MMP13: variants seen among roughly 807,000 people sequenced by gnomAD.
MMP13 encodes the protein collagenase 3.
In MMP13, 45 loss-of-function variants were observed where a neutral mutation model predicts 52.1. That is an observed-to-expected ratio of 0.86 (90% CI 0.68 to 1.11). The LOEUF is 1.11. Among genes scored for constraint, MMP13 ranks in the 50% least tolerant of loss-of-function variants. MMP13 has a pLI of 0.00. For missense variants in MMP13, 576 were observed against 583.8 expected (o/e 0.99, Z 0.14); for synonymous variants, 200 against 204.4 (o/e 0.98, Z 0.18).
rs549103229 is a variant in MMP13 at position 102,952,944 on chromosome 11, C to T, written c.638-771G>A. On this transcript the variant is annotated intron_variant, in intron 4 of 9. Coordinates refer to ENST00000260302, the MANE Select transcript of MMP13 (RefSeq NM_002427.4). This position sits in a 1 kb window ranked among gnomAD's most constrained non-coding sequence, Gnocchi z 4.3. ...ATTGTTGTTACCTGTGCTTAGATTA[C>T]CTGAAAACTAGAGCCAGTGGATTCC... 6.6e-6 allele frequency among the ~76,000 whole-genome samples: 1 copy of T among 152,066 alleles called. No homozygotes were observed. Among genetic ancestry groups the T allele is most frequent in the Non-Finnish European group, 1.5e-5 (1 of 67,996 alleles).
At position 102,944,057 on chromosome 11, in the gene MMP13, G is replaced by C. The variant is rs1234396173; in HGVS notation, c.*209C>G. 2 of 529,510 alleles carry C rather than the reference G, an allele frequency of 3.8e-6. No homozygotes were observed. Among genetic ancestry groups the C allele is most frequent in the Non-Finnish European group, 7.1e-6 (2 of 279,824 alleles). 32.8% of individuals were successfully genotyped at this position (529,510 alleles called of 1,614,324 possible). A position where few individuals can be genotyped will look rare whatever the true frequency, so the allele number is the denominator to read the frequency against. ...AGCAACAAGAATCAGATGCTCTTTA[G>C]AGATCCTCCATTTCATTACTCTAAC... On this transcript the variant is annotated 3_prime_UTR_variant, in exon 10 of 10. Transcript: ENST00000260302.
rs1236321342 is a variant in MMP13, at chr11:102,943,136, T to C, written c.*1130A>G. 6.6e-6 allele frequency: 1 copy of C among 152,182 alleles called. No homozygotes were observed. The highest frequency in any genetic ancestry group is 1.5e-5 in the Non-Finnish European group (1 of 68,036). The allele number at this position is 152,182 out of a possible 1,614,324, so 9.4% of individuals were successfully genotyped here. A position where few individuals can be genotyped will look rare whatever the true frequency, so the allele number is the denominator to read the frequency against. On this transcript the variant is annotated 3_prime_UTR_variant, in exon 10 of 10. Transcript: ENST00000260302. ...GTTCTTCCCTTGATGGCCGATCATA[T>C]ATTCAATAAGTGCCAAGCACCCTCC...
At chr11:102,951,659 A>AT (rs1860614034) in intron 5 of MMP13, among the ~76,000 whole-genome samples, 2 of 152,040 alleles carry the variant, frequency 1.3e-5, no homozygotes, top group African/African-American at 4.8e-5. Context: ...TTGTTAGGAG[A>AT]TTTTGTCATT....
intron 8 of MMP13, among the ~76,000 whole-genome samples, chr11:102,946,591 C>T (rs953142918): frequency 1.6e-4 from 24 of 151,964 alleles, no homozygotes; most frequent in South Asian, 8.3e-4. Flanking sequence ...AAAGATATTT[C>T]GAATGAACTT....
At chr11:102,947,755 A>G in intron 8 of MMP13, 136 bp downstream of exon 8, 1 of 962,474 alleles carries the variant, frequency 1.0e-6, no homozygotes, top group Non-Finnish European at 1.6e-6. Context: ...TCTGCCTGAA[A>G]GAGCTGACAT....
chr11:102,952,380 G>T lies in MMP13; in HGVS notation c.638-207C>A, dbSNP rs1860627427. 6.6e-6 allele frequency among the ~76,000 whole-genome samples: 1 copy of T among 152,056 alleles called. No homozygotes were observed. Among genetic ancestry groups the T allele is most frequent in the Non-Finnish European group, 1.5e-5 (1 of 68,000 alleles). ...ATTTAATCCTTATAAATAATTTAGT[G>T]TTCTTTTGATTATAGCTGCCTACAC... On this transcript the variant is annotated intron_variant, in intron 4 of 9. Coordinates refer to ENST00000260302, the MANE Select transcript of MMP13 (RefSeq NM_002427.4). The surrounding 1 kb of genome is among the most constrained non-coding windows in gnomAD (Gnocchi z 4.3).
intron 5 of MMP13, 45 bp downstream of exon 5, chr11:102,951,967 T>C: frequency 1.3e-6 from 2 of 1,592,380 alleles, no homozygotes; most frequent in South Asian, 2.2e-5. Context: ...ATGGGTTTCT[T>C]CTGCTTTTAT....
chr11:102,952,266 T>C lies in MMP13; in HGVS notation c.638-93A>G, dbSNP rs1474855654. On this transcript the variant is annotated intron_variant, in intron 4 of 9. Transcript: ENST00000260302. This position sits in a 1 kb window ranked among gnomAD's most constrained non-coding sequence, Gnocchi z 4.3. ...ATTTTATCTATCTGGTATGTTTCTT[T>C]CTTGGCTATATACTTTCTTTTCTCT... The C allele has an allele frequency of 7.1e-7, 1 of 1,412,426 alleles. No homozygotes were observed. Among genetic ancestry groups the C allele is most frequent in the Non-Finnish European group, 9.9e-7 (1 of 1,006,202 alleles). 87.5% of individuals were successfully genotyped at this position (1,412,426 alleles called of 1,614,324 possible). A position where few individuals can be genotyped will look rare whatever the true frequency, so the allele number is the denominator to read the frequency against.
rs371894268 is a variant in MMP13, at chr11:102,954,521, G to C, written c.448C>G (p.Pro150Ala). 2.5e-5 allele frequency: 40 copies of C among 1,613,638 alleles called. No individual in the cohort carries two copies. The highest frequency in any genetic ancestry group is 1.7e-4 in the Middle Eastern group (1 of 6,058). The stretch of plus-strand genomic sequence containing the variant: ...TCGTGAAGTCTGGTAAAATTCAGAG[G>C]AGTTACATCGGACCAAACTTTGAAG... ...KAFKVWSDVT[P>A]LNFTRLHDGI... Residue 150 changes from proline to alanine, a missense_variant, in exon 3 of 10, where the codon CCT becomes GCT. By Grantham distance (27) the Pro-to-Ala change is conservative. Transcript: ENST00000260302.
rs1555017142 is a variant in MMP13, at chr11:102,950,124, C to G, written c.903G>C (p.Met301Ile). 10 of 1,609,504 alleles carry G rather than the reference C, an allele frequency of 6.2e-6. No homozygotes were observed. The South Asian group carries it at 1.1e-4, about 18-fold the overall frequency. Residue 301 changes from methionine to isoleucine, a missense_variant, in exon 6 of 10, where the codon ATG becomes ATC. Met to Ile is a conservative substitution (Grantham distance 10). Coordinates refer to ENST00000260302, the MANE Select transcript of MMP13 (RefSeq NM_002427.4). The part of the protein sequence containing the change: ...DAITSLRGET[M>I]IFKDRFFWRL... ...CTCAAGAGTACCTGTCTTTAAAGAT[C>G]ATTGTTTCTCCTCGGAGACTGGTAA...
rs1860629556 is a variant in MMP13, at chr11:102,952,520, G to A, written c.638-347C>T. 6.6e-6 allele frequency among the ~76,000 whole-genome samples: 1 copy of A among 152,120 alleles called. No individual in the cohort carries two copies. The highest frequency in any genetic ancestry group is 1.5e-5 in the Non-Finnish European group (1 of 68,016). ...ATTCTCAGGTCAGGTGAGGGAAGTG[G>A]ACAGAGATTACCTTAAACGAGGAGT... On this transcript the variant is annotated intron_variant, in intron 4 of 9. Coordinates refer to ENST00000260302, the MANE Select transcript of MMP13 (RefSeq NM_002427.4). This position sits in a 1 kb window ranked among gnomAD's most constrained non-coding sequence, Gnocchi z 4.3.
chr11:102,951,379 A>G (rs1220299568), intron 5 of MMP13, among the ~76,000 whole-genome samples: 2 of 152,202 alleles, frequency 1.3e-5, no homozygotes, highest in Non-Finnish European at 2.9e-5. Context: ...AATGGGGAAC[A>G]AAATATTTTT....
intron 8 of MMP13, among the ~76,000 whole-genome samples, chr11:102,947,670 T>TGTGTGC (rs1555016802): frequency 1.0e-5 from 1 of 99,902 alleles, no homozygotes. Context: ...TTGAGTATTG[T>TGTGTGC]GTGTGTGTGT....
chr11:102,947,856 T>G (rs782369034), intron 8 of MMP13, 35 bp downstream of exon 8: 1 of 1,613,270 alleles, frequency 6.2e-7, no homozygotes, highest in South Asian at 1.1e-5. Flanking sequence ...TTTGCGGCTA[T>G]GACACAGATG....
chr11:102,952,237 T>A lies in MMP13; in HGVS notation c.638-64A>T. 3.8e-3 allele frequency: 4,136 copies of A among 1,074,384 alleles called. No individual in the cohort carries two copies. The highest frequency in any genetic ancestry group is 5.4e-3 in the Non-Finnish European group (3,823 of 706,802). The allele number at this position is 1,074,384 out of a possible 1,614,324, so 66.6% of individuals were successfully genotyped here. ...TCCAGTGACCAGGTAATGAAAGGAATATCATTTTATCTATCTGGTATGTTT... is the reference window on the plus strand; with the variant it reads ...TCCAGTGACCAGGTAATGAAAGGAAAATCATTTTATCTATCTGGTATGTTT... On this transcript the variant is annotated intron_variant, in intron 4 of 9. Transcript: ENST00000260302. The surrounding 1 kb of genome is among the most constrained non-coding windows in gnomAD (Gnocchi z 4.3).
At chr11:102,944,474 A>G (rs1860464269) in intron 9 of MMP13, 108 bp from the exon 10 acceptor site, 5 of 800,842 alleles carry the variant, frequency 6.2e-6, no homozygotes, top group Non-Finnish European at 1.0e-5. Flanking sequence ...GGAATTTCAA[A>G]CTTTTTCTTT....
In MMP13 at chr11:102,954,532, G is replaced by C. The variant is rs769000690; in HGVS notation, c.437C>G (p.Ser146Cys). The change falls in exon 3 of 10, where the codon TCC becomes TGC. Residue 146 changes from serine to cysteine, a missense_variant. Ser to Cys is a moderately radical substitution (Grantham distance 112, BLOSUM62 -1). Coordinates refer to ENST00000260302, the MANE Select transcript of MMP13 (RefSeq NM_002427.4). ...GGTAAAATTCAGAGGAGTTACATCGGACCAAACTTTGAAGGCTTTTTTGAA... is the reference window on the plus strand; with the variant it reads ...GGTAAAATTCAGAGGAGTTACATCGCACCAAACTTTGAAGGCTTTTTTGAA... ...KAFKKAFKVWSDVTPLNFTRL... is the reference protein window; with the variant it reads ...KAFKKAFKVWCDVTPLNFTRL... 1 of 1,613,590 alleles carries C rather than the reference G, an allele frequency of 6.2e-7. No individual in the cohort carries two copies. The highest frequency in any genetic ancestry group is 8.5e-7 in the Non-Finnish European group (1 of 1,179,660).
rs17099791 is a variant in MMP13 at position 102,952,860 on chromosome 11, C to G, written c.638-687G>C. 6.2e-3 allele frequency among the ~76,000 whole-genome samples: 949 copies of G among 152,088 alleles called. 10 individuals carry two copies. Among genetic ancestry groups the G allele is most frequent in the African/African-American group, 0.022 (897 of 41,510 alleles). The stretch of plus-strand genomic sequence containing the variant: ...TTTGAGCCTCCTAATGCAGGTATTT[C>G]AAACTGGAAAAAAGAAAATAAAAAA... On this transcript the variant is annotated intron_variant, in intron 4 of 9. Transcript: ENST00000260302. This position sits in a 1 kb window ranked among gnomAD's most constrained non-coding sequence, Gnocchi z 4.3.
At position 102,955,320 on chromosome 11, in the gene MMP13, AACCCCGC is replaced by A. The variant is rs886042854; in HGVS notation, c.287_293del (p.Cys96PhefsTer19). ...AAACATTGTATTCACCCACATCAGG[AACCCCGC>A]ATCTTGGCTTTTTCATGACATCTAA... On this transcript the variant is annotated frameshift_variant, in exon 2 of 10. Transcript: ENST00000260302. LOFTEE classifies it high-confidence loss of function. This position sits in a 1 kb window ranked among gnomAD's most constrained non-coding sequence, Gnocchi z 4.9. 6 of 1,613,892 alleles carry A rather than the reference AACCCCGC, an allele frequency of 3.7e-6. No homozygotes were observed. In the African/African-American group the frequency reaches 6.7e-5, roughly 18 times the overall value.
Sources: allele counts gnomAD v4.1 joint callset (sites outside exome capture counted in the v4.1 genomes callset), GRCh38; gene constraint gnomAD v4.1.1; non-coding constraint Gnocchi (gnomAD v3.1); transcripts MANE v1.5; gene names NCBI Gene and HGNC (gene_info 2026-07-23, HGNC 2026-07-21).